CCDC149: variants seen among roughly 807,000 people sequenced by gnomAD.
CCDC149 encodes coiled-coil domain containing 149, also known as coiled-coil domain-containing protein 149.
CCDC149 carries 45 observed loss-of-function variants against 59.9 expected under a neutral mutation model. The ratio of observed to expected loss-of-function variants is 0.75; its 90% CI spans 0.59 to 0.96. The LOEUF is 0.96. Among genes scored for constraint, CCDC149 ranks in the 40% least tolerant of loss-of-function variants. The pLI, the probability that CCDC149 is intolerant of heterozygous loss-of-function variation, is 0.00. For missense variants in CCDC149, 584 were observed against 664.7 expected (o/e 0.88, Z 1.33); for synonymous variants, 245 against 260.6 (o/e 0.94, Z 0.58).
At chr4:24,893,612 A>ATTTTTTTT (rs1560241640) in intron 1 of CCDC149, among the ~76,000 whole-genome samples, 3 of 9,382 alleles carry the variant, frequency 3.2e-4, no homozygotes, top group African/African-American at 9.0e-4. Context: ...TAAAATACAG[A>ATTTTTTTT]CTTTTTTTTT....
intron 1 of CCDC149, among the ~76,000 whole-genome samples, chr4:24,974,038 G>A (rs1283635552): frequency 6.6e-6 from 1 of 152,252 alleles, no homozygotes; most frequent in Non-Finnish European, 1.5e-5. Context: ...ATTTTTAGTG[G>A]CAAATAAAGT....
At chr4:24,888,973 G>A (rs981532700) in intron 1 of CCDC149, among the ~76,000 whole-genome samples, 7 of 151,310 alleles carry the variant, frequency 4.6e-5, no homozygotes, top group African/African-American at 9.7e-5. Context: ...CCCCCTCTCC[G>A]GTATTACTTT....
At chr4:24,947,735 C>G (rs1042687161) in intron 1 of CCDC149, among the ~76,000 whole-genome samples, 2 of 152,116 alleles carry the variant, frequency 1.3e-5, no homozygotes, top group Non-Finnish European at 2.9e-5. Flanking sequence ...ATACAAAATG[C>G]TACCTTTTAA....
At chr4:24,928,139 C>T (rs954844707) in intron 1 of CCDC149, among the ~76,000 whole-genome samples, 3 of 152,276 alleles carry the variant, frequency 2.0e-5, no homozygotes, top group African/African-American at 7.2e-5. Context: ...ACTTGGACTT[C>T]CCTAAAAACT....
chr4:24,822,431 G>T, intron 10 of CCDC149, 66 bp downstream of exon 10: 2 of 1,019,634 alleles, frequency 2.0e-6, no homozygotes, highest in Non-Finnish European at 2.8e-6. Context: ...AAATTACGTG[G>T]GAGCTTCATT....
At chr4:24,929,690 G>A (rs1722530803) in intron 1 of CCDC149, among the ~76,000 whole-genome samples, 1 of 152,140 alleles carries the variant, frequency 6.6e-6, no homozygotes, top group African/African-American at 2.4e-5. Flanking sequence ...CTCCCTCTGT[G>A]CCTCTGCTTA....
At position 24,950,403 on chromosome 4, in the gene CCDC149, C is replaced by T. The variant is rs183055484; in HGVS notation, c.-65+29666G>A. Among the ~76,000 whole-genome samples, 120 of 152,332 alleles carry T rather than the reference C, an allele frequency of 7.9e-4. 1 individual carries two copies. The highest frequency in any genetic ancestry group is 5.6e-3 in the Admixed American group (86 of 15,300). On this transcript the variant is annotated intron_variant, in intron 1 of 12. Transcript: ENST00000389609. The stretch of plus-strand genomic sequence containing the variant: ...AGCACAGTGCCTGACACAGAGTAAG[C>T]GCAATGCAAATGTTAGTTGTTATTA...
intron 1 of CCDC149, among the ~76,000 whole-genome samples, chr4:24,972,099 T>C (rs796357329): frequency 6.6e-6 from 1 of 152,298 alleles, no homozygotes; most frequent in African/African-American, 2.4e-5. Context: ...CCAACCACCT[T>C]GGGCACATTC....
intron 1 of CCDC149, among the ~76,000 whole-genome samples, chr4:24,963,327 A>G (rs976018818): frequency 2.0e-5 from 3 of 152,148 alleles, no homozygotes; most frequent in Non-Finnish European, 4.4e-5. Flanking sequence ...TCGTTTTTCA[A>G]TCACCAAAGC....
intron 1 of CCDC149, among the ~76,000 whole-genome samples, chr4:24,881,289 T>C (rs918806009): frequency 6.6e-5 from 10 of 152,210 alleles, no homozygotes; most frequent in African/African-American, 1.9e-4. Context: ...TCCATCCCCA[T>C]TGCTTTTGGG....
chr4:24,904,096 A>G (rs1721335633), intron 1 of CCDC149, among the ~76,000 whole-genome samples: 1 of 152,172 alleles, frequency 6.6e-6, no homozygotes, highest in South Asian at 2.1e-4. Context: ...CACCGTGCCT[A>G]GCCTTAATTT....
intron 1 of CCDC149, among the ~76,000 whole-genome samples, chr4:24,970,987 A>T (rs1177636169): frequency 6.6e-6 from 1 of 152,184 alleles, no homozygotes; most frequent in African/African-American, 2.4e-5. Flanking sequence ...GGTTGATCAG[A>T]TGAGAAAGGT....
chr4:24,833,049 GT>G (rs1289930177), intron 8 of CCDC149, among the ~76,000 whole-genome samples: 1 of 152,010 alleles, frequency 6.6e-6, no homozygotes, highest in Non-Finnish European at 1.5e-5. Context: ...TCCTGCGTAT[GT>G]GTCCTTTCTG....
At chr4:24,901,930 G>A (rs1363953781) in intron 1 of CCDC149, among the ~76,000 whole-genome samples, 1 of 152,090 alleles carries the variant, frequency 6.6e-6, no homozygotes, top group East Asian at 1.9e-4. Flanking sequence ...CATCAATGCT[G>A]TAACCCCTTA....
At chr4:24,858,073 G>A (rs1335008747) in intron 3 of CCDC149, among the ~76,000 whole-genome samples, 1 of 152,148 alleles carries the variant, frequency 6.6e-6, no homozygotes, top group Non-Finnish European at 1.5e-5. Context: ...CAAAATAGAG[G>A]AGAAAAGTTC....
At position 24,837,075 on chromosome 4, in the gene CCDC149, T is replaced by C. The variant is rs1436278157; in HGVS notation, c.662+153A>G. The C allele has an allele frequency of 4.4e-6, 3 of 682,508 alleles. No individual in the cohort carries two copies. The highest frequency in any genetic ancestry group is 7.3e-6 in the Non-Finnish European group (3 of 412,010). 42.3% of individuals were successfully genotyped at this position (682,508 alleles called of 1,614,324 possible). On this transcript the variant is annotated intron_variant, in intron 6 of 12. Transcript: ENST00000635206. This position sits in a 1 kb window ranked among gnomAD's most constrained non-coding sequence, Gnocchi z 4.3. ...CTTTTTCACTTTTGCAACTAATACA[T>C]GGCATTGATGTCATCATTTCGGGGG...
rs926219739 is a variant in CCDC149, at chr4:24,819,788, G to T, written c.1192+71C>A. 4 of 1,042,324 alleles carry T rather than the reference G, an allele frequency of 3.8e-6. No individual in the cohort carries two copies. The African/African-American group carries it at 6.3e-5, about 16-fold the overall frequency. The allele number at this position is 1,042,324 out of a possible 1,614,324, so 64.6% of individuals were successfully genotyped here. A position where few individuals can be genotyped will look rare whatever the true frequency, so the allele number is the denominator to read the frequency against. On this transcript the variant is annotated intron_variant, in intron 12 of 12. Coordinates refer to ENST00000635206, the MANE Select transcript of CCDC149 (RefSeq NM_001330643.2). ...GCACAAAGGGGAAGGGGAAGAGACC[G>T]ATGTCCATTGAGCCACTCCTCTGTG...
intron 1 of CCDC149, among the ~76,000 whole-genome samples, chr4:24,932,350 G>A (rs1722620708): frequency 6.6e-6 from 1 of 152,086 alleles, no homozygotes; most frequent in Non-Finnish European, 1.5e-5. Context: ...ATCACTTTAG[G>A]AGATGTGATT....
intron 1 of CCDC149, among the ~76,000 whole-genome samples, chr4:24,910,346 T>C (rs1721803134): frequency 6.6e-6 from 1 of 152,212 alleles, no homozygotes; most frequent in Admixed American, 6.5e-5. Flanking sequence ...GGTGATCTCA[T>C]CTAAAGATCC....
Sources: allele counts gnomAD v4.1 joint callset (sites outside exome capture counted in the v4.1 genomes callset), GRCh38; gene constraint gnomAD v4.1.1; non-coding constraint Gnocchi (gnomAD v3.1); transcripts MANE v1.5; gene names NCBI Gene and HGNC (gene_info 2026-07-23, HGNC 2026-07-21).